UNC45B: variants seen among roughly 807,000 people sequenced by gnomAD.
The protein encoded by UNC45B is protein unc-45 homolog B.
Under a neutral mutation model 98.7 loss-of-function variants are expected in UNC45B, and 78 were observed. The ratio of observed to expected loss-of-function variants is 0.79; its 90% CI spans 0.66 to 0.95. The LOEUF is 0.95. Among genes scored for constraint, UNC45B ranks in the 40% least tolerant of loss-of-function variants. The pLI, the probability that UNC45B is intolerant of heterozygous loss-of-function variation, is 0.00. For missense variants in UNC45B, 1,225 were observed against 1,184.9 expected (o/e 1.03, Z -0.50); for synonymous variants, 462 against 480.4 (o/e 0.96, Z 0.50).
At position 35,159,447 on chromosome 17, in the gene UNC45B, A is replaced by G; in HGVS notation, c.881A>G (p.Gln294Arg). 1 of 1,614,188 alleles carries G rather than the reference A, an allele frequency of 6.2e-7. No homozygotes were observed. Among genetic ancestry groups the G allele is most frequent in the Non-Finnish European group, 8.5e-7 (1 of 1,180,020 alleles). ...DMLVSKKVSG[Q>R]GRDQALNLLN... ...CTAGTCAGCAAGAAGGTGTCTGGCC[A>G]GGGCAGGGATCAGGCGCTGAACCTG... Residue 294 changes from glutamine (Q) to arginine (R), a missense_variant, in exon 8 of 20, where the codon CAG (glutamine) becomes CGG (arginine). By Grantham distance (43) the Gln-to-Arg change is conservative (BLOSUM62 1). Coordinates refer to ENST00000394570, the MANE Select transcript of UNC45B (RefSeq NM_001267052.2).
At chr17:35,148,858 T>C (rs2091995669) in intron 2 of UNC45B, 115 bp from the exon 3 acceptor site, 3 of 1,314,034 alleles carry the variant, frequency 2.3e-6, no homozygotes, top group African/African-American at 2.9e-5. Context: ...CCTGGGCCTC[T>C]GACAGCCTGC....
chr17:35,178,609 T>G (rs968660180), intron 17 of UNC45B, among the ~76,000 whole-genome samples: 2 of 152,242 alleles, frequency 1.3e-5, no homozygotes, highest in Non-Finnish European at 2.9e-5. Flanking sequence ...ATGAAGTCTT[T>G]GCCCATGCCT....
chr17:35,174,359 C>T lies in UNC45B; in HGVS notation c.1948C>T (p.Leu650=), dbSNP rs1555578769. The part of the protein sequence containing the change: ...SAILTDQTKE[L]LARVFLALCD... The stretch of plus-strand genomic sequence containing the variant: ...CATCCTCACTGACCAGACCAAGGAG[C>T]TGCTGGCCAGGTGGGGCTGCAGTGG... Residue 650 remains leucine (L), a synonymous_variant, in exon 14 of 20, where the codon CTG becomes TTG. Coordinates refer to ENST00000394570, the MANE Select transcript of UNC45B (RefSeq NM_001267052.2). The T allele has an allele frequency of 6.2e-7, 1 of 1,614,124 alleles. No individual in the cohort carries two copies. Among genetic ancestry groups the T allele is most frequent in the Non-Finnish European group, 8.5e-7 (1 of 1,179,990 alleles).
In UNC45B at chr17:35,177,489, C is replaced by A; in HGVS notation, c.2140-6C>A. The A allele has an allele frequency of 6.4e-7, 1 of 1,554,786 alleles. No homozygotes were observed. Among genetic ancestry groups the A allele is most frequent in the East Asian group, 2.4e-5 (1 of 41,268 alleles). On this transcript the variant is annotated splice_region_variant and splice_polypyrimidine_tract_variant and intron_variant, in intron 16 of 19. Transcript: ENST00000394570. The stretch of plus-strand genomic sequence containing the variant: ...CCTGACCAAACCCTTGACCCCTCCC[C>A]AACAGGTGTATGAGGTGGTGCGGCC...
Position 35,168,194 on chromosome 17 carries a change from C to G in UNC45B, c.1285C>G (p.Leu429Val), listed in dbSNP as rs772388464. 6.2e-6 allele frequency: 10 copies of G among 1,604,164 alleles called. No individual in the cohort carries two copies. Among genetic ancestry groups the G allele is most frequent in the Non-Finnish European group, 7.7e-6 (9 of 1,174,960 alleles). Residue 429 changes from leucine (L) to valine (V), a missense_variant, in exon 10 of 20, where the codon CTA becomes GTA. By Grantham distance (32) the Leu-to-Val change is conservative. Transcript: ENST00000394570. ...AGGTGTGATGGAGATGATGGTGGCA[C>G]TATGTGGCTCAGAGCGCGAGACGGA... ...LKGVMEMMVALCGSERETDQL... is the reference protein window; with the variant it reads ...LKGVMEMMVAVCGSERETDQL...
chr17:35,164,296 GA>G, intron 9 of UNC45B, 130 bp downstream of exon 9: 1 of 1,177,980 alleles, frequency 8.5e-7, no homozygotes, highest in Non-Finnish European at 1.2e-6. Context: ...AGAAATTTGG[GA>G]GTGGTTTGGC....
chr17:35,170,450 G>A (rs1341097705), intron 12 of UNC45B, among the ~76,000 whole-genome samples, 195 bp downstream of exon 12: 1 of 148,444 alleles, frequency 6.7e-6, no homozygotes, highest in Non-Finnish European at 1.5e-5. Context: ...ATGCCTTCCA[G>A]AGATGGGAAG....
intron 8 of UNC45B, among the ~76,000 whole-genome samples, chr17:35,162,583 CACTT>C (rs1360106296): frequency 6.6e-6 from 1 of 151,680 alleles, no homozygotes; most frequent in Admixed American, 6.6e-5. Context: ...GCCACCAAGC[CACTT>C]CCAGGCACTT....
intron 9 of UNC45B, among the ~76,000 whole-genome samples, chr17:35,165,975 G>T (rs2092136049): frequency 6.6e-6 from 1 of 150,712 alleles, no homozygotes; most frequent in South Asian, 2.1e-4. Flanking sequence ...TGCTGGCCAG[G>T]TGTGGTGGCT....
chr17:35,178,756 T>G (rs567362392), intron 17 of UNC45B, among the ~76,000 whole-genome samples: 1 of 152,376 alleles, frequency 6.6e-6, no homozygotes, highest in South Asian at 2.1e-4. Context: ...TTTCTACATA[T>G]GGCTAGCTAG....
chr17:35,158,486 A>C (rs1227956012), intron 7 of UNC45B, among the ~76,000 whole-genome samples: 1 of 152,216 alleles, frequency 6.6e-6, no homozygotes, highest in Non-Finnish European at 1.5e-5. Flanking sequence ...GGAGGAGATT[A>C]CCCAAGAGCA....
intron 8 of UNC45B, among the ~76,000 whole-genome samples, chr17:35,160,361 A>G (rs1362946650): frequency 6.6e-6 from 1 of 152,240 alleles, no homozygotes; most frequent in Non-Finnish European, 1.5e-5. Flanking sequence ...GTTTCTTGCC[A>G]TGATTCAGCT....
intron 9 of UNC45B, among the ~76,000 whole-genome samples, chr17:35,166,034 T>A (rs529501755): frequency 7.5e-6 from 1 of 133,704 alleles, no homozygotes; most frequent in African/African-American, 2.8e-5. Flanking sequence ...GAGAATTGCC[T>A]GAGACCAGGA....
chr17:35,151,263 G>T (rs1450397828), intron 4 of UNC45B: 2 of 217,462 alleles, frequency 9.2e-6, no homozygotes, highest in South Asian at 4.7e-5. Flanking sequence ...CGCGGGCCTC[G>T]ATCAGAAGGA....
chr17:35,187,325 C>T lies in UNC45B; in HGVS notation c.*766C>T, dbSNP rs1567773245. 1.3e-5 allele frequency: 2 copies of T among 152,182 alleles called. No homozygotes were observed. Among genetic ancestry groups the T allele is most frequent in the African/African-American group, 4.8e-5 (2 of 41,444 alleles). 9.4% of individuals were successfully genotyped at this position (152,182 alleles called of 1,614,324 possible). A position where few individuals can be genotyped will look rare whatever the true frequency, so the allele number is the denominator to read the frequency against. On this transcript the variant is annotated 3_prime_UTR_variant, in exon 20 of 20. Coordinates refer to ENST00000394570, the MANE Select transcript of UNC45B (RefSeq NM_001267052.2). ...ACCATGGATGTGTCTTTTTCTCTCT[C>T]TCATTTCCCCTCCCCATATCTTGTC...
intron 19 of UNC45B, 57 bp from the exon 20 acceptor site, chr17:35,186,242 G>A: frequency 6.3e-7 from 1 of 1,590,204 alleles, no homozygotes; most frequent in Non-Finnish European, 8.6e-7. Flanking sequence ...TCCAACACAT[G>A]AACTCTGGGG....
In UNC45B at chr17:35,186,358, A is replaced by G. The variant is rs150349130; in HGVS notation, c.2589A>G (p.Gln863=). The G allele has an allele frequency of 4.3e-6, 7 of 1,614,062 alleles. No homozygotes were observed. The African/African-American group carries it at 9.3e-5, about 22-fold the overall frequency. The change falls in exon 20 of 20, where the codon CAA becomes CAG. Residue 863 remains glutamine (Q), a synonymous_variant. Coordinates refer to ENST00000394570, the MANE Select transcript of UNC45B (RefSeq NM_001267052.2). ...GCCTGCACGACCAGCTGTCTGTCCAACACCGGGGCCTGGTCATTGCCTACA... is the reference window on the plus strand; with the variant it reads ...GCCTGCACGACCAGCTGTCTGTCCAGCACCGGGGCCTGGTCATTGCCTACA... ...RLCLHDQLSV[Q]HRGLVIAYNL...
In UNC45B at chr17:35,149,487, A is replaced by G. The variant is rs9900446; in HGVS notation, c.205+478A>G. On this transcript the variant is annotated intron_variant, in intron 3 of 19. Transcript: ENST00000394570. ...ACTGGAGTGCAATGGCATGATCTCA[A>G]CTCACTGCAACCTCTGCCTCCCGGA... Among the ~76,000 whole-genome samples, 1,106 of 151,974 alleles carry G rather than the reference A, an allele frequency of 7.3e-3. 18 individuals carry two copies. Among genetic ancestry groups the G allele is most frequent in the East Asian group, 0.039 (200 of 5,166 alleles).
intron 9 of UNC45B, among the ~76,000 whole-genome samples, chr17:35,165,680 G>A (rs536715471): frequency 2.7e-4 from 41 of 152,308 alleles, no homozygotes; most frequent in Admixed American, 8.5e-4. Context: ...GCTCACGCCT[G>A]TAATCCCAGC....
Sources: allele counts gnomAD v4.1 joint callset (sites outside exome capture counted in the v4.1 genomes callset), GRCh38; gene constraint gnomAD v4.1.1; transcripts MANE v1.5; gene names NCBI Gene and HGNC (gene_info 2026-07-23, HGNC 2026-07-21).